SIRT2: variants seen among roughly 807,000 people sequenced by gnomAD.
SIRT2 encodes NAD-dependent protein deacetylase sirtuin-2.
SIRT2 carries 40 observed loss-of-function variants against 57.4 expected under a neutral mutation model. The ratio of observed to expected loss-of-function variants is 0.70; its 90% CI spans 0.54 to 0.91. The LOEUF (loss-of-function observed/expected upper bound fraction) is 0.91, where lower values mean the gene tolerates loss of function less well. SIRT2 is among the 40% of genes least tolerant of loss of function. The probability of loss-of-function intolerance (pLI) is 0.00; values close to 1 mark genes in which losing one functional copy is unlikely to be tolerated. For missense variants in SIRT2, 439 were observed against 510.4 expected (o/e 0.86, Z 1.35); for synonymous variants, 161 against 195.7 (o/e 0.82, Z 1.48).
intron 2 of SIRT2, among the ~76,000 whole-genome samples, chr19:38,897,866 T>A (rs1306046778): frequency 1.3e-5 from 2 of 151,850 alleles, no homozygotes; most frequent in Non-Finnish European, 2.9e-5. Flanking sequence ...AGAGAAAGGG[T>A]CTTGCTCTTT....
chr19:38,879,282 TC>T lies in SIRT2; in HGVS notation c.1042del (p.Glu348SerfsTer5). On this transcript the variant is annotated frameshift_variant, in exon 16 of 16. Transcript: ENST00000249396. LOFTEE classifies it low-confidence loss of function (END_TRUNC). ...CGACTGGGCATCTATGCTGGCGTGC[TC>T]CCTCCGGACAAGGTCCTCCAGCTCC... Reference protein sequence around the residue: ...KKELEDLVRREHASIDAQSGA... With the variant: ...KKELEDLVRRXHASIDAQSGA... The T allele has an allele frequency of 6.2e-7, 1 of 1,613,080 alleles. No homozygotes were observed. The highest frequency in any genetic ancestry group is 8.5e-7 in the Non-Finnish European group (1 of 1,179,764).
At chr19:38,890,380 C>T (rs879883846) in intron 4 of SIRT2, among the ~76,000 whole-genome samples, 1 of 152,174 alleles carries the variant, frequency 6.6e-6, no homozygotes, top group Non-Finnish European at 1.5e-5. Flanking sequence ...TGCGGAAGAG[C>T]CAGCCAGCGG....
intron 8 of SIRT2, among the ~76,000 whole-genome samples, chr19:38,888,045 C>T (rs967393070): frequency 4.0e-5 from 6 of 151,778 alleles, no homozygotes; most frequent in Non-Finnish European, 8.8e-5. Flanking sequence ...TGAGCCACCG[C>T]GCCCGGCCAC....
chr19:38,893,661 G>A (rs2144698140), intron 3 of SIRT2, 134 bp from the exon 4 acceptor site: 5 of 1,185,470 alleles, frequency 4.2e-6, no homozygotes, highest in South Asian at 1.4e-5. Context: ...CCCAGCCAGC[G>A]GCCTCCAGGA....
intron 8 of SIRT2, 35 bp downstream of exon 8, chr19:38,889,052 C>T (rs924011040): frequency 1.3e-6 from 2 of 1,596,388 alleles, no homozygotes; most frequent in East Asian, 4.5e-5. Flanking sequence ...GTTCCACCCG[C>T]CCATCCTCCT....
Position 38,893,807 on chromosome 19 carries a change from G to A in SIRT2, c.112+12C>T. The A allele has an allele frequency of 1.2e-6, 2 of 1,614,014 alleles. No individual in the cohort carries two copies. The highest frequency in any genetic ancestry group is 1.7e-6 in the Non-Finnish European group (2 of 1,179,954). On this transcript the variant is annotated intron_variant, in intron 3 of 15. Transcript: ENST00000249396. ...AGAACCCTGCTCCCTGTCCCTCCAG[G>A]AAGATACTCACTGTCTGCTTCTCCA...
Position 38,898,389 on chromosome 19 carries a change from T to G in SIRT2, c.53A>C (p.Gln18Pro), listed in dbSNP as rs1293047926. 6.4e-7 allele frequency: 1 copy of G among 1,554,422 alleles called. No homozygotes were observed. The highest frequency in any genetic ancestry group is 8.8e-7 in the Non-Finnish European group (1 of 1,142,784). ...HPLETQAGKV[Q>P]EAQDSDSDSE... ...TTTCCCCCATCTCACCTGAGCCTCC[T>G]GCACCTTCCCTGCCTGGGTCTCCAG... Residue 18 changes from glutamine to proline, a missense_variant, in exon 2 of 16, where the codon CAG (glutamine) becomes CCG (proline). Coordinates refer to ENST00000249396, the MANE Select transcript of SIRT2 (RefSeq NM_012237.4).
chr19:38,880,404 T>G lies in SIRT2; in HGVS notation c.876+281A>C. 2.3e-5 allele frequency: 6 copies of G among 266,482 alleles called. No homozygotes were observed. Among genetic ancestry groups the G allele is most frequent in the Non-Finnish European group, 2.7e-5 (4 of 146,840 alleles). 16.5% of individuals were successfully genotyped at this position (266,482 alleles called of 1,614,324 possible). A position where few individuals can be genotyped will look rare whatever the true frequency, so the allele number is the denominator to read the frequency against. The stretch of plus-strand genomic sequence containing the variant: ...GTGGACCCAACCCCGCCCCCCGCAC[T>G]GTCTCTCCTGACCCCTGCACCCCCT... On this transcript the variant is annotated intron_variant, in intron 13 of 15. Coordinates refer to ENST00000249396, the MANE Select transcript of SIRT2 (RefSeq NM_012237.4). The surrounding 1 kb of genome is among the most constrained non-coding windows in gnomAD (Gnocchi z 4.1).
intron 14 of SIRT2, 40 bp from the exon 15 acceptor site, chr19:38,879,540 G>C: frequency 1.3e-6 from 2 of 1,569,594 alleles, no homozygotes; most frequent in East Asian, 4.7e-5. Context: ...AGGCGGGCTC[G>C]CCCCTGCCTG....
intron 8 of SIRT2, among the ~76,000 whole-genome samples, chr19:38,884,664 G>C (rs888241117): frequency 1.3e-5 from 2 of 152,068 alleles, no homozygotes; most frequent in African/African-American, 4.8e-5. Context: ...GGCTAGGCTG[G>C]TCTCGAACTC....
At position 38,879,117 on chromosome 19, in the gene SIRT2, C is replaced by G. The variant is rs1269732165; in HGVS notation, c.*38G>C. ...CAGGCCCGGTTGGGGCTCAGCTGTC[C>G]CTGAGGAGCTCGGCATCCCGCCTGG... On this transcript the variant is annotated 3_prime_UTR_variant, in exon 16 of 16. Coordinates refer to ENST00000249396, the MANE Select transcript of SIRT2 (RefSeq NM_012237.4). The G allele has an allele frequency of 6.5e-7, 1 of 1,535,456 alleles. No individual in the cohort carries two copies. Among genetic ancestry groups the G allele is most frequent in the Admixed American group, 2.3e-5 (1 of 44,084 alleles).
In SIRT2 at chr19:38,880,281, G is replaced by A. The variant is rs568474179; in HGVS notation, c.876+404C>T. On this transcript the variant is annotated intron_variant, in intron 13 of 15. Coordinates refer to ENST00000249396, the MANE Select transcript of SIRT2 (RefSeq NM_012237.4). This position sits in a 1 kb window ranked among gnomAD's most constrained non-coding sequence, Gnocchi z 4.1. ...TGCCCACAGCGTGCGCTGCTTGCCC[G>A]GTGACCCTGCCTACTTCCCCTGAGG... 2.8e-5 allele frequency: 6 copies of A among 210,702 alleles called. No homozygotes were observed. Among genetic ancestry groups the A allele is most frequent in the Admixed American group, 5.3e-5 (1 of 18,926 alleles). 13.1% of individuals were successfully genotyped at this position (210,702 alleles called of 1,614,324 possible).
chr19:38,894,746 C>G lies in SIRT2; in HGVS notation c.64-879G>C. 31 of 453,598 alleles carry G rather than the reference C, an allele frequency of 6.8e-5. 1 individual carries two copies. Among genetic ancestry groups the G allele is most frequent in the South Asian group, 4.8e-4 (31 of 64,472 alleles). 28.1% of individuals were successfully genotyped at this position (453,598 alleles called of 1,614,324 possible). A position where few individuals can be genotyped will look rare whatever the true frequency, so the allele number is the denominator to read the frequency against. ...GCAACCTCTGTCTCCTTCCTCGAAG[C>G]CTCCCCTCAGCCCAGCTCCAGACTG... On this transcript the variant is annotated intron_variant, in intron 2 of 15. Transcript: ENST00000249396.
At chr19:38,896,433 G>C (rs1600131297) in intron 2 of SIRT2, among the ~76,000 whole-genome samples, 1 of 152,236 alleles carries the variant, frequency 6.6e-6, no homozygotes, top group East Asian at 1.9e-4. Context: ...GCCCAGGCTG[G>C]TCTCAAAACT....
In SIRT2 at chr19:38,881,153, T is replaced by C. The variant is rs1973140222; in HGVS notation, c.694A>G (p.Ile232Val). 3.7e-6 allele frequency: 6 copies of C among 1,612,526 alleles called. No homozygotes were observed. The highest frequency in any genetic ancestry group is 1.3e-5 in the African/African-American group (1 of 74,954). Residue 232 changes from isoleucine (I) to valine (V), a missense_variant and splice_region_variant, in exon 11 of 16, where the codon ATC becomes GTC. Coordinates refer to ENST00000249396, the MANE Select transcript of SIRT2 (RefSeq NM_012237.4). ...GGGAGGCTCTCACCAAAAAAGACGA[T>C]ATCTGAGGTGGAGACAGATGGACGG... ...EDCQSLVKPD[I>V]VFFGESLPAR...
intron 8 of SIRT2, among the ~76,000 whole-genome samples, chr19:38,887,606 G>T (rs1471012797): frequency 6.6e-6 from 1 of 152,160 alleles, no homozygotes; most frequent in Non-Finnish European, 1.5e-5. Context: ...CCCCAGGTGG[G>T]AACACCTCGC....
intron 3 of SIRT2, 128 bp from the exon 4 acceptor site, chr19:38,893,655 G>C: frequency 8.5e-7 from 1 of 1,181,236 alleles, no homozygotes; most frequent in Admixed American, 2.0e-5. Flanking sequence ...GCCCGGCCCA[G>C]CCAGCGGCCT....
intron 2 of SIRT2, chr19:38,894,914 T>C (rs1486095817): frequency 4.4e-6 from 2 of 455,996 alleles, no homozygotes; most frequent in Non-Finnish European, 8.8e-6. Context: ...TTCCCTGGCT[T>C]CCTGGACACC....
Position 38,893,811 on chromosome 19 carries a change from ATACTC to A in SIRT2, c.112+3_112+7del. 6.2e-7 allele frequency: 1 copy of A among 1,613,994 alleles called. No homozygotes were observed. The highest frequency in any genetic ancestry group is 1.3e-5 in the African/African-American group (1 of 75,014). On this transcript the variant is annotated splice_donor_5th_base_variant and intron_variant, in intron 3 of 15. Coordinates refer to ENST00000249396, the MANE Select transcript of SIRT2 (RefSeq NM_012237.4). ...CCCTGCTCCCTGTCCCTCCAGGAAG[ATACTC>A]ACTGTCTGCTTCTCCACCAGCGGCT...
Sources: allele counts gnomAD v4.1 joint callset (sites outside exome capture counted in the v4.1 genomes callset), GRCh38; gene constraint gnomAD v4.1.1; non-coding constraint Gnocchi (gnomAD v3.1); transcripts MANE v1.5; gene names NCBI Gene and HGNC (gene_info 2026-07-23, HGNC 2026-07-21).